Variants in AFF1 observed in about 807,000 individuals in gnomAD.
The protein encoded by AFF1 is ALF transcription elongation factor 1.
A neutral mutation model predicts 121.7 loss-of-function variants in AFF1; 48 were observed. That is an observed-to-expected ratio of 0.39 (90% confidence interval 0.31 to 0.50). The LOEUF (loss-of-function observed/expected upper bound fraction) is 0.50. Ranked by LOEUF, AFF1 falls within the 20% of genes least tolerant of loss-of-function variation. The pLI, the probability that AFF1 is intolerant of heterozygous loss-of-function variation, is 0.76. For missense variants in AFF1, 1,523 were observed against 1,511.7 expected (o/e 1.01, Z -0.12); for synonymous variants, 613 against 563.0 (o/e 1.09, Z -1.26).
intron 2 of AFF1, among the ~76,000 whole-genome samples, chr4:86,967,165 G>A (rs1399605974): frequency 6.6e-6 from 1 of 152,194 alleles, no homozygotes; most frequent in African/African-American, 2.4e-5. Flanking sequence ...CCTCAGCATA[G>A]ATTTGAGGAC....
chr4:86,944,348 C>T (rs1395154446), intron 1 of AFF1, among the ~76,000 whole-genome samples: 3 of 147,292 alleles, frequency 2.0e-5, no homozygotes, highest in South Asian at 2.2e-4. Context: ...AAAGCTGAGG[C>T]CTTAAGAAGA....
intron 12 of AFF1, 131 bp downstream of exon 12, chr4:87,115,430 C>A: frequency 1.0e-6 from 1 of 962,330 alleles, no homozygotes; most frequent in Non-Finnish European, 1.5e-6. Context: ...TTCGCTGTAG[C>A]CTTTGCATCT....
chr4:87,011,225 A>G (rs1019838236), intron 2 of AFF1, among the ~76,000 whole-genome samples: 2 of 152,178 alleles, frequency 1.3e-5, no homozygotes, highest in Admixed American at 1.3e-4. Context: ...GTGGCTGAGC[A>G]CGGAGCTTCT....
intron 2 of AFF1, among the ~76,000 whole-genome samples, chr4:86,950,794 T>C (rs1279113382): frequency 6.6e-6 from 1 of 152,246 alleles, no homozygotes; most frequent in Non-Finnish European, 1.5e-5. Flanking sequence ...AAAGCTGTTG[T>C]CATTTGTCTT....
chr4:86,973,259 A>G (rs1723067029), intron 2 of AFF1, among the ~76,000 whole-genome samples: 1 of 151,944 alleles, frequency 6.6e-6, no homozygotes, highest in Non-Finnish European at 1.5e-5. Flanking sequence ...GCATTGGCAG[A>G]GCTGGAGGTG....
chr4:86,977,205 A>G (rs572237423), intron 2 of AFF1, among the ~76,000 whole-genome samples: 22 of 152,314 alleles, frequency 1.4e-4, no homozygotes, highest in African/African-American at 4.8e-4. Flanking sequence ...TACACTATAT[A>G]GTATGTATTT....
intron 4 of AFF1, among the ~76,000 whole-genome samples, chr4:87,061,699 TC>T (rs1720805059): frequency 6.6e-6 from 1 of 152,200 alleles, no homozygotes; most frequent in Non-Finnish European, 1.5e-5. Context: ...ACCTGCTTGA[TC>T]CCTGTAACTG....
chr4:86,991,854 T>TTTTTA (rs371199846), intron 2 of AFF1, among the ~76,000 whole-genome samples: 1 of 148,490 alleles, frequency 6.7e-6, no homozygotes, highest in African/African-American at 2.6e-5. Context: ...TTTTTTTTTT[T>TTTTTA]ACATCCTTTT....
chr4:86,961,327 G>A (rs551145337), intron 2 of AFF1, among the ~76,000 whole-genome samples: 92 of 152,212 alleles, frequency 6.0e-4, no homozygotes, highest in Non-Finnish European at 1.0e-3. Flanking sequence ...TTCCATCACC[G>A]AACCCTCAAG....
intron 4 of AFF1, among the ~76,000 whole-genome samples, chr4:87,066,284 C>T (rs1721337185): frequency 1.3e-5 from 2 of 152,120 alleles, no homozygotes; most frequent in Admixed American, 1.3e-4. Flanking sequence ...TTTCTAGTGA[C>T]CGGTCATTGC....
chr4:87,041,921 A>G (rs1036161593), intron 2 of AFF1, among the ~76,000 whole-genome samples: 1 of 151,870 alleles, frequency 6.6e-6, no homozygotes. Context: ...AGGCTGAGAC[A>G]GGAGAATCAC....
At chr4:87,091,493 A>G (rs1237929233) in intron 6 of AFF1, among the ~76,000 whole-genome samples, 3 of 152,260 alleles carry the variant, frequency 2.0e-5, no homozygotes, top group African/African-American at 4.8e-5. Flanking sequence ...TCTTTGTGCA[A>G]CAACAAAGGA....
At position 87,115,233 on chromosome 4, in the gene AFF1, A is replaced by G. The variant is rs766412924; in HGVS notation, c.2400A>G (p.Ala800=). 2.5e-6 allele frequency: 4 copies of G among 1,614,086 alleles called. No homozygotes were observed. In the East Asian group the frequency reaches 6.7e-5, roughly 27 times the overall value. ...AAGCAGAAGATAAACAGCCGCCCGC[A>G]GGGAAGAAGCACAGCTCTGAGAAGA... The part of the protein sequence containing the change: ...QRKAEDKQPP[A]GKKHSSEKRS... The change falls in exon 12 of 21, where the codon GCA becomes GCG. Residue 800 remains alanine, a synonymous_variant. Transcript: ENST00000395146.
intron 2 of AFF1, among the ~76,000 whole-genome samples, chr4:86,967,074 C>T (rs1233743804): frequency 6.6e-6 from 1 of 152,220 alleles, no homozygotes; most frequent in Non-Finnish European, 1.5e-5. Context: ...TTCCTCCCAT[C>T]CCTGCTTCAT....
intron 2 of AFF1, among the ~76,000 whole-genome samples, chr4:87,034,694 G>A (rs1729391847): frequency 1.3e-5 from 2 of 152,192 alleles, no homozygotes; most frequent in African/African-American, 2.4e-5. Flanking sequence ...AACACGTGGT[G>A]TTAGCTGAGG....
intron 2 of AFF1, chr4:87,007,337 G>T: frequency 2.5e-6 from 4 of 1,608,752 alleles, no homozygotes; most frequent in Non-Finnish European, 3.4e-6. Context: ...TGGTGAGCGC[G>T]GCGCTGGCAG....
At chr4:87,094,794 T>A (rs996937912) in intron 7 of AFF1, 121 bp from the exon 8 acceptor site, 1 of 876,972 alleles carries the variant, frequency 1.1e-6, no homozygotes, top group African/African-American at 1.7e-5. Context: ...CTTATAATGC[T>A]AAGATTGTAC....
At chr4:86,980,511 C>G (rs984028862) in intron 2 of AFF1, among the ~76,000 whole-genome samples, 1 of 151,976 alleles carries the variant, frequency 6.6e-6, no homozygotes, top group Non-Finnish European at 1.5e-5. Context: ...AAAAAGGAAA[C>G]CCATTTGGGA....
intron 2 of AFF1, among the ~76,000 whole-genome samples, chr4:86,997,024 G>T (rs1328556821): frequency 6.6e-6 from 1 of 152,196 alleles, no homozygotes; most frequent in East Asian, 1.9e-4. Flanking sequence ...TGATTCTCCT[G>T]CCTCAGCCTC....
Sources: allele counts gnomAD v4.1 joint callset (sites outside exome capture counted in the v4.1 genomes callset), GRCh38; gene constraint gnomAD v4.1.1; transcripts MANE v1.5; gene names NCBI Gene and HGNC (gene_info 2026-07-23, HGNC 2026-07-21).